RBMS3: variants seen among roughly 807,000 people sequenced by gnomAD.
The protein encoded by RBMS3 is RNA-binding motif, single-stranded-interacting protein 3.
In RBMS3, 27 loss-of-function variants were observed where a neutral mutation model predicts 66.8. That is an observed-to-expected ratio of 0.40 (90% CI 0.30 to 0.56). The LOEUF (loss-of-function observed/expected upper bound fraction) is 0.56, where lower values mean the gene tolerates loss of function less well. Among genes scored for constraint, RBMS3 ranks in the 20% least tolerant of loss-of-function variants. RBMS3 has a pLI of 0.40. For synonymous variants in RBMS3, 188 were observed against 183.0 expected, an observed-to-expected ratio of 1.03 and a Z score of -0.22; for missense variants, 513 against 549.5, an observed-to-expected ratio of 0.93 and a Z score of 0.66.
chr3:29,593,617 A>G (rs1028940943), intron 4 of RBMS3, among the ~76,000 whole-genome samples: 1 of 152,362 alleles, frequency 6.6e-6, no homozygotes, highest in East Asian at 1.9e-4. Context: ...TTTGTTTTGC[A>G]ATAAGATCAA....
At chr3:29,292,601 C>T (rs542686539) in intron 1 of RBMS3, among the ~76,000 whole-genome samples, 1 of 151,474 alleles carries the variant, frequency 6.6e-6, no homozygotes, top group Non-Finnish European at 1.5e-5. Context: ...TCATAATAGT[C>T]GTTTAAACTG....
chr3:29,936,221 T>G, intron 11 of RBMS3, 25 bp downstream of exon 11: 2 of 1,596,842 alleles, frequency 1.3e-6, no homozygotes, highest in Non-Finnish European at 1.7e-6. Flanking sequence ...TTGTTTTGTT[T>G]CCTTGAACTT....
intron 3 of RBMS3, among the ~76,000 whole-genome samples, chr3:29,527,171 T>C (rs1048766015): frequency 1.6e-4 from 18 of 114,104 alleles, no homozygotes; most frequent in Admixed American, 6.2e-4. Flanking sequence ...GACGTGATTG[T>C]TAGGTAGAGT....
At chr3:29,774,592 C>T (rs558830710) in intron 6 of RBMS3, among the ~76,000 whole-genome samples, 144 of 151,978 alleles carry the variant, frequency 9.5e-4, no homozygotes, top group African/African-American at 3.1e-3. Context: ...TTACAGAGAC[C>T]GCTGGAGGTT....
chr3:29,885,288 G>A (rs917388976), intron 8 of RBMS3, among the ~76,000 whole-genome samples: 2 of 151,856 alleles, frequency 1.3e-5, no homozygotes, highest in African/African-American at 2.4e-5. Flanking sequence ...TCCTTGGGTT[G>A]ATTAAAATTT....
intron 6 of RBMS3, among the ~76,000 whole-genome samples, chr3:29,844,921 T>C (rs2058742663): frequency 1.3e-5 from 2 of 152,212 alleles, no homozygotes; most frequent in Admixed American, 1.3e-4. Flanking sequence ...AGTTAAGATG[T>C]TGTTGGCTCT....
At chr3:29,828,986 CTTTCTTTCTTT>C (rs2058283770) in intron 6 of RBMS3, among the ~76,000 whole-genome samples, 1 of 20,452 alleles carries the variant, frequency 4.9e-5, no homozygotes, top group Non-Finnish European at 1.2e-4. Context: ...GACTTTCTTT[CTTTCTTTCTTT>C]CTTTCTTTCT....
At chr3:29,392,327 A>G (rs2039338285) in intron 1 of RBMS3, among the ~76,000 whole-genome samples, 1 of 152,166 alleles carries the variant, frequency 6.6e-6, no homozygotes, top group Non-Finnish European at 1.5e-5. Flanking sequence ...TACAAACCAA[A>G]TGAATATGTG....
intron 4 of RBMS3, among the ~76,000 whole-genome samples, chr3:29,668,369 A>ATATACCACTTT (rs2149241854): frequency 6.6e-6 from 1 of 152,332 alleles, no homozygotes; most frequent in East Asian, 1.9e-4. Context: ...CCACTTTGAG[A>ATATACCACTTT]GCTGCCAAAT....
chr3:29,364,155 G>A (rs4569597), intron 1 of RBMS3, among the ~76,000 whole-genome samples: 30,265 of 152,018 alleles, frequency 0.2, 3,598 homozygotes, highest in African/African-American at 0.34. Context: ...GAACAGATGC[G>A]TATATGGCAT....
At chr3:29,985,989 G>GGACCA (rs2149791409) in intron 12 of RBMS3, among the ~76,000 whole-genome samples, 1 of 152,278 alleles carries the variant, frequency 6.6e-6, no homozygotes, top group East Asian at 1.9e-4. Flanking sequence ...GAGTGGGGAT[G>GGACCA]GACCAGAGTA....
intron 2 of RBMS3, among the ~76,000 whole-genome samples, chr3:29,460,934 C>A (rs945995246): frequency 6.6e-6 from 1 of 152,130 alleles, no homozygotes; most frequent in African/African-American, 2.4e-5. Flanking sequence ...CCCTAAACTG[C>A]CCTTAATTCA....
intron 3 of RBMS3, among the ~76,000 whole-genome samples, chr3:29,550,761 C>T (rs1003106596): frequency 6.6e-6 from 1 of 151,994 alleles, no homozygotes; most frequent in Non-Finnish European, 1.5e-5. Flanking sequence ...ATCTGTGAAC[C>T]CTGCATATTT....
intron 4 of RBMS3, among the ~76,000 whole-genome samples, chr3:29,605,905 T>C (rs1007561801): frequency 6.6e-6 from 1 of 151,776 alleles, no homozygotes; most frequent in Non-Finnish European, 1.5e-5. Context: ...CAGTTTGACC[T>C]TAGTATGTGG....
intron 1 of RBMS3, among the ~76,000 whole-genome samples, chr3:29,427,555 G>A (rs919014010): frequency 1.3e-5 from 2 of 152,220 alleles, no homozygotes; most frequent in Non-Finnish European, 2.9e-5. Flanking sequence ...TATCCAGCGA[G>A]CAATGGATTA....
chr3:29,305,398 G>T (rs1407196600), intron 1 of RBMS3, among the ~76,000 whole-genome samples: 1 of 151,956 alleles, frequency 6.6e-6, no homozygotes, highest in African/African-American at 2.4e-5. Flanking sequence ...CCCAAGAGCT[G>T]AGAACAATGG....
chr3:29,453,410 T>C (rs550028556), intron 2 of RBMS3, among the ~76,000 whole-genome samples: 4 of 152,324 alleles, frequency 2.6e-5, no homozygotes, highest in African/African-American at 9.6e-5. Flanking sequence ...GCCAGCCTAA[T>C]GGCTACATGC....
chr3:29,587,076 T>C (rs747918539), intron 3 of RBMS3, 38 bp from the exon 4 acceptor site: 1 of 1,505,280 alleles, frequency 6.6e-7, no homozygotes, highest in South Asian at 1.2e-5. Context: ...GATTCAGCTT[T>C]TTGTGAATAT....
At chr3:29,422,894 G>A (rs140651061) in intron 1 of RBMS3, among the ~76,000 whole-genome samples, 18 of 152,190 alleles carry the variant, frequency 1.2e-4, no homozygotes, top group African/African-American at 4.1e-4. Context: ...CTTAGATTTA[G>A]GACTTCAAAG....
Sources: gnomAD v4.1 joint callset for allele counts (sites outside exome capture counted in the v4.1 genomes callset) on GRCh38, gnomAD v4.1.1 for gene constraint, MANE v1.5 for transcripts, NCBI Gene and HGNC (gene_info 2026-07-23, HGNC 2026-07-21) for gene names.